ABCA10: variants seen among roughly 807,000 people sequenced by gnomAD.
ABCA10 encodes ATP binding cassette subfamily A member 10, also known as ATP-binding cassette sub-family A member 10.
A neutral mutation model predicts 187.5 loss-of-function variants in ABCA10; 169 were observed. The observed-to-expected ratio is 0.90, with a 90% CI of 0.80 to 1.02. The LOEUF is 1.02. Among genes scored for constraint, ABCA10 ranks in the 50% least tolerant of loss-of-function variants. The pLI is 0.00. For synonymous variants in ABCA10, 574 were observed against 601.8 expected (o/e 0.95, Z 0.68); for missense variants, 1,727 against 1,812.4 (o/e 0.95, Z 0.86).
exon 1 of ABCA10, chr17:69,244,689 C>T (rs924448138): frequency 6.6e-6 from 1 of 151,378 alleles, no homozygotes; most frequent in African/African-American, 2.4e-5. Flanking sequence ...TGCCTATTTA[C>T]ATGTTACACA....
rs1386874174 is a variant in ABCA10 at position 69,175,513 on chromosome 17, C to T, written c.2770G>A (p.Asp924Asn). ...IQMESTSFSR[D>N]DIVLDLGFID... ...AAACCAAGATCCAGCACTATGTCATCCTGAAAGATGAAAACACATCAGTAA... is the reference window on the plus strand; with the variant it reads ...AAACCAAGATCCAGCACTATGTCATTCTGAAAGATGAAAACACATCAGTAA... Residue 924 changes from aspartate (D) to asparagine (N), a missense_variant and splice_region_variant, in exon 23 of 39, where the codon GAT (aspartate) becomes AAT (asparagine). Coordinates refer to ENST00000690296, the MANE Select transcript of ABCA10 (RefSeq NM_001377321.1). The T allele has an allele frequency of 1.2e-5, 20 of 1,601,736 alleles. No individual in the cohort carries two copies. The highest frequency in any genetic ancestry group is 1.4e-5 in the Non-Finnish European group (17 of 1,173,256).
chr17:69,184,079 T>C (rs1304932065), intron 20 of ABCA10, among the ~76,000 whole-genome samples: 1 of 152,090 alleles, frequency 6.6e-6, no homozygotes, highest in African/African-American at 2.4e-5. Flanking sequence ...ATGAGGCCTG[T>C]CACTGCCGGC....
At position 69,193,605 on chromosome 17, in the gene ABCA10, C is replaced by A; in HGVS notation, c.1529G>T (p.Arg510Ile). ...TTGCATGTCTAATTCCATTATAATT[C>A]TTTTTACCTATCAAAGAAAACTCTG... ...QPKEVEQEVKRIIMELDMQSI... is the reference protein window; with the variant it reads ...QPKEVEQEVKIIIMELDMQSI... Residue 510 changes from arginine (R) to isoleucine (I), a missense_variant, in exon 14 of 39, where the codon AGA (arginine) becomes ATA (isoleucine). Physicochemically the swap from Arg to Ile is moderately conservative, Grantham distance 97. Transcript: ENST00000690296. The A allele has an allele frequency of 6.2e-7, 1 of 1,602,710 alleles. No individual in the cohort carries two copies. Among genetic ancestry groups the A allele is most frequent in the Non-Finnish European group, 8.5e-7 (1 of 1,173,966 alleles).
At chr17:69,242,609 C>T (rs1009814399) in intron 1 of ABCA10, among the ~76,000 whole-genome samples, 1 of 152,086 alleles carries the variant, frequency 6.6e-6, no homozygotes, top group Non-Finnish European at 1.5e-5. Flanking sequence ...GGATTACAGG[C>T]ACGTGCCACC....
At chr17:69,179,678 TG>T (rs2074364277) in intron 22 of ABCA10, among the ~76,000 whole-genome samples, 1 of 152,180 alleles carries the variant, frequency 6.6e-6, no homozygotes, top group African/African-American at 2.4e-5. Context: ...GGTCAACCCA[TG>T]CTACTTTCTG....
intron 27 of ABCA10, among the ~76,000 whole-genome samples, chr17:69,162,842 T>TACATTTAC (rs377270606): frequency 1.4e-5 from 2 of 147,346 alleles, no homozygotes; most frequent in Non-Finnish European, 3.0e-5. Context: ...CATATACATA[T>TACATTTAC]ATATATATAT....
chr17:69,230,201 A>G (rs1221273534), upstream of ABCA10, among the ~76,000 whole-genome samples: 2 of 152,106 alleles, frequency 1.3e-5, no homozygotes, highest in Non-Finnish European at 2.9e-5. Flanking sequence ...ACCAGATATC[A>G]GTGCCATGCT....
intron 15 of ABCA10, 21 bp downstream of exon 15, chr17:69,193,089 A>G (rs1265564822): frequency 6.3e-7 from 1 of 1,580,136 alleles, no homozygotes; most frequent in East Asian, 2.3e-5. Flanking sequence ...AACTAGTTGG[A>G]ATAAAGAAGC....
At position 69,148,676 on chromosome 17, in the gene ABCA10, C is replaced by G. The variant is rs1276109709; in HGVS notation, c.*151G>C. 4 of 692,144 alleles carry G rather than the reference C, an allele frequency of 5.8e-6. No homozygotes were observed. The highest frequency in any genetic ancestry group is 9.2e-6 in the Non-Finnish European group (4 of 436,510). The allele number at this position is 692,144 out of a possible 1,614,324, so 42.9% of individuals were successfully genotyped here. On this transcript the variant is annotated 3_prime_UTR_variant, in exon 39 of 39. Transcript: ENST00000690296. ...CCTATATTTCCTTGTTTCCTTCATC[C>G]TAAATTTTTAAAAATGAAAACTGTA...
Position 69,193,200 on chromosome 17 carries a change from G to A in ABCA10, c.1690C>T (p.His564Tyr). ...TCCTTCAGGAGGCTCCACACTCGGT[G>A]TCTTGAAAAGGGATCCAATCCAGCA... ...PTAGLDPFSRHRVWSLLKEHK... is the reference protein window; with the variant it reads ...PTAGLDPFSRYRVWSLLKEHK... The change falls in exon 15 of 39, where the codon CAC becomes TAC. Residue 564 changes from histidine to tyrosine, a missense_variant. By Grantham distance (83) the His-to-Tyr change is moderately conservative (BLOSUM62 2). Transcript: ENST00000690296. The A allele has an allele frequency of 6.2e-7, 1 of 1,614,116 alleles. No homozygotes were observed. The highest frequency in any genetic ancestry group is 1.7e-5 in the Admixed American group (1 of 60,010).
chr17:69,182,394 A>G, intron 21 of ABCA10, 104 bp from the exon 22 acceptor site: 1 of 1,084,758 alleles, frequency 9.2e-7, no homozygotes, highest in East Asian at 3.0e-5. Flanking sequence ...GAAGGAGACT[A>G]TTAATTTTTC....
intron 22 of ABCA10, 126 bp downstream of exon 22, chr17:69,182,024 AAGG>A: frequency 3.3e-6 from 3 of 916,664 alleles, no homozygotes; most frequent in Non-Finnish European, 4.5e-6. Flanking sequence ...ACACAAAGGC[AAGG>A]AGTAGCTAAG....
intron 22 of ABCA10, among the ~76,000 whole-genome samples, chr17:69,179,360 A>G (rs983645190): frequency 3.3e-5 from 5 of 152,200 alleles, no homozygotes; most frequent in African/African-American, 1.2e-4. Flanking sequence ...TTCATGAGTA[A>G]TAATCTTAGT....
At position 69,177,973 on chromosome 17, in the gene ABCA10, A is replaced by ATATATATATATATATATGTT. The variant is rs68149070; in HGVS notation, c.2770-2461_2770-2460insAACATATATATATATATATA. Among the ~76,000 whole-genome samples, 149 of 49,890 alleles carry ATATATATATATATATATGTT rather than the reference A, an allele frequency of 3.0e-3. 2 individuals are homozygous for ATATATATATATATATATGTT. The highest frequency in any genetic ancestry group is 0.013 in the Middle Eastern group (1 of 78). The allele number at this position is 49,890 out of a possible 152,430, so 32.7% of individuals were successfully genotyped here. ...TCCATTTCAAAAAAAAAAAAAAAAAAATATATATATATATATATGTTATAT... is the reference window on the plus strand; with the variant it reads ...TCCATTTCAAAAAAAAAAAAAAAAAATATATATATATATATATGTTATATATATATATATATATGTTATAT... On this transcript the variant is annotated intron_variant, in intron 22 of 38. Coordinates refer to ENST00000690296, the MANE Select transcript of ABCA10 (RefSeq NM_001377321.1).
intron 27 of ABCA10, among the ~76,000 whole-genome samples, chr17:69,161,763 G>T (rs931404092): frequency 6.6e-6 from 1 of 151,088 alleles, no homozygotes. Context: ...ATCAGAACAT[G>T]AATTCTGCTA....
upstream of ABCA10, among the ~76,000 whole-genome samples, chr17:69,232,548 AT>A (rs1030186280): frequency 2.6e-5 from 4 of 152,110 alleles, no homozygotes; most frequent in Non-Finnish European, 4.4e-5. Context: ...TGATGTCACA[AT>A]TTTTAAATTT....
intron 25 of ABCA10, 150 bp downstream of exon 25, chr17:69,174,131 A>G (rs557157067): frequency 2.2e-4 from 113 of 507,154 alleles, no homozygotes; most frequent in African/African-American, 2.0e-3. Flanking sequence ...CTGAACCCAT[A>G]AACATGGTAC....
intron 12 of ABCA10, 138 bp downstream of exon 12, chr17:69,194,247 G>T (rs1029251145): frequency 1.3e-6 from 1 of 763,804 alleles, no homozygotes; most frequent in Non-Finnish European, 2.1e-6. Context: ...GAATTTATGT[G>T]CATATGAAAT....
At chr17:69,151,130 G>A (rs2074124804) in intron 36 of ABCA10, among the ~76,000 whole-genome samples, 1 of 152,028 alleles carries the variant, frequency 6.6e-6, no homozygotes, top group African/African-American at 2.4e-5. Context: ...CTCTTACTTT[G>A]GCATCTCCAC....
Sources: allele counts gnomAD v4.1 joint callset (sites outside exome capture counted in the v4.1 genomes callset), GRCh38; gene constraint gnomAD v4.1.1; transcripts MANE v1.5; gene names NCBI Gene and HGNC (gene_info 2026-07-23, HGNC 2026-07-21).